The following NMBR variants were observed in gnomAD, a reference collection of about 807,000 sequenced individuals.
NMBR encodes neuromedin-B receptor.
Under a neutral mutation model 20.5 loss-of-function variants are expected in NMBR, and 16 were observed. The observed-to-expected ratio is 0.78, with a 90% confidence interval of 0.53 to 1.19. The LOEUF is 1.19. Among genes scored for constraint, NMBR ranks in the 50% most tolerant of loss-of-function variants. The pLI is 0.00. For synonymous variants in NMBR, 212 were observed against 196.6 expected (o/e 1.08, Z -0.65); for missense variants, 582 against 499.1 (o/e 1.17, Z -1.58).
intron 1 of NMBR, among the ~76,000 whole-genome samples, chr6:142,133,379 T>C (rs1036861029): frequency 8.5e-5 from 13 of 152,162 alleles, no homozygotes; most frequent in East Asian, 1.9e-4. Context: ...GAAGTGTCTT[T>C]AGATGTTGGT....
intron 1 of NMBR, among the ~76,000 whole-genome samples, chr6:142,106,156 A>G (rs779646235): frequency 6.6e-6 from 1 of 152,132 alleles, no homozygotes; most frequent in Non-Finnish European, 1.5e-5. Context: ...CTGAGTCCTG[A>G]ATTTACATGC....
In NMBR at chr6:142,079,111, A is replaced by AAAG. The variant is rs1777034959; in HGVS notation, c.423-211_423-209dup. 1.3e-4 allele frequency among the ~76,000 whole-genome samples: 10 copies of AAAG among 79,662 alleles called. No individual in the cohort carries two copies. The South Asian group carries it at 3.6e-3, about 29-fold the overall frequency. 52.3% of individuals were successfully genotyped at this position (79,662 alleles called of 152,430 possible). On this transcript the variant is annotated intron_variant, in intron 2 of 3. Coordinates refer to ENST00000258042, the MANE Select transcript of NMBR (RefSeq NM_002511.4). ...AAGAGAGAAAGAGAGAGAGAGAAAGAAAGAAAGAAAGAAAGAAGAAAGAAA... is the reference window on the plus strand; with the variant it reads ...AAGAGAGAAAGAGAGAGAGAGAAAGAAAGAAGAAAGAAAGAAAGAAGAAAGAAA...
chr6:142,120,692 C>A (rs771420170), intron 1 of NMBR, among the ~76,000 whole-genome samples: 4 of 151,890 alleles, frequency 2.6e-5, no homozygotes, highest in Admixed American at 2.0e-4. Context: ...TGGTTGTCAG[C>A]CTAAATTTGC....
chr6:142,075,570 A>G lies in NMBR; in HGVS notation c.*78T>C. ...AATTGCCTAATAAATTAGCTAAGCA[A>G]CAGCAAGTTCTGATCTGCCGAATAG... On this transcript the variant is annotated 3_prime_UTR_variant, in exon 4 of 4. Coordinates refer to ENST00000258042, the MANE Select transcript of NMBR (RefSeq NM_002511.4). 1 of 1,380,322 alleles carries G rather than the reference A, an allele frequency of 7.2e-7. No homozygotes were observed. Among genetic ancestry groups the G allele is most frequent in the Non-Finnish European group, 9.8e-7 (1 of 1,022,648 alleles). 85.5% of individuals were successfully genotyped at this position (1,380,322 alleles called of 1,614,324 possible).
intron 2 of NMBR, 39 bp downstream of exon 2, chr6:142,088,198 C>A: frequency 6.3e-7 from 1 of 1,588,712 alleles, no homozygotes; most frequent in Non-Finnish European, 8.5e-7. Context: ...CCCCTCTCCA[C>A]GACTTTTCCA....
At chr6:142,122,312 T>C (rs1777957714) in intron 1 of NMBR, among the ~76,000 whole-genome samples, 1 of 151,900 alleles carries the variant, frequency 6.6e-6, no homozygotes, top group African/African-American at 2.4e-5. Flanking sequence ...AAAGAAAAGT[T>C]TGAGGCTAGC....
At chr6:142,135,148 T>G in intron 1 of NMBR, 1 of 241,036 alleles carries the variant, frequency 4.1e-6, no homozygotes, top group Non-Finnish European at 7.9e-6. Context: ...GTTAATTTAT[T>G]TTTAAACAGT....
intron 1 of NMBR, among the ~76,000 whole-genome samples, chr6:142,140,203 A>T (rs1251001396): frequency 6.6e-6 from 1 of 152,122 alleles, no homozygotes; most frequent in Non-Finnish European, 1.5e-5. Context: ...CATTTTAGAA[A>T]ACAAACAAAA....
intron 1 of NMBR, among the ~76,000 whole-genome samples, chr6:142,114,709 G>A (rs551456619): frequency 6.6e-6 from 1 of 152,128 alleles, no homozygotes; most frequent in African/African-American, 2.4e-5. Flanking sequence ...AAACTTTAAG[G>A]AGAAAAACAA....
At chr6:142,127,180 T>A (rs531184909) in intron 1 of NMBR, among the ~76,000 whole-genome samples, 48 of 152,008 alleles carry the variant, frequency 3.2e-4, no homozygotes, top group African/African-American at 1.1e-3. Flanking sequence ...GGGGGTGAAA[T>A]AAAGGTCCAA....
chr6:142,092,174 T>C (rs1777337958), intron 1 of NMBR, among the ~76,000 whole-genome samples: 1 of 151,846 alleles, frequency 6.6e-6, no homozygotes, highest in African/African-American at 2.4e-5. Flanking sequence ...AGAAAGGAGA[T>C]ACTAATACAA....
chr6:142,084,652 T>G (rs1479319222), intron 2 of NMBR, among the ~76,000 whole-genome samples: 1 of 152,222 alleles, frequency 6.6e-6, no homozygotes, highest in African/African-American at 2.4e-5. Context: ...TGAGAATTTT[T>G]CCTATGAAGG....
intron 1 of NMBR, among the ~76,000 whole-genome samples, chr6:142,146,522 A>G (rs1276637348): frequency 6.6e-6 from 1 of 152,224 alleles, no homozygotes; most frequent in East Asian, 1.9e-4. Context: ...AAGAGTTACC[A>G]GCGTTGAAAA....
At chr6:142,089,924 T>C (rs940989991) in intron 1 of NMBR, among the ~76,000 whole-genome samples, 2 of 152,244 alleles carry the variant, frequency 1.3e-5, no homozygotes, top group Non-Finnish European at 2.9e-5. Context: ...TATGTTCAGC[T>C]TTACTGGAAA....
chr6:142,133,190 A>G, intron 1 of NMBR: 1 of 685,698 alleles, frequency 1.5e-6, no homozygotes, highest in Non-Finnish European at 2.7e-6. Context: ...AACTTCTATG[A>G]AGGATGTGTA....
intron 1 of NMBR, among the ~76,000 whole-genome samples, chr6:142,125,011 C>T (rs1778005850): frequency 6.6e-6 from 1 of 151,782 alleles, no homozygotes; most frequent in South Asian, 2.1e-4. Context: ...CAGTTCCACT[C>T]CAGAAAATAT....
chr6:142,093,051 T>G (rs1441065412), intron 1 of NMBR, among the ~76,000 whole-genome samples: 1 of 152,112 alleles, frequency 6.6e-6, no homozygotes, highest in Non-Finnish European at 1.5e-5. Flanking sequence ...GACCAAAGGC[T>G]TCTCTGGTCT....
intron 1 of NMBR, among the ~76,000 whole-genome samples, chr6:142,116,742 C>T (rs373586432): frequency 2.5e-4 from 38 of 151,876 alleles, no homozygotes; most frequent in Non-Finnish European, 5.3e-4. Flanking sequence ...TTCATGTTTC[C>T]GTTAAAATTT....
intron 1 of NMBR, among the ~76,000 whole-genome samples, chr6:142,129,762 C>A (rs759093824): frequency 6.6e-6 from 1 of 152,030 alleles, no homozygotes; most frequent in Non-Finnish European, 1.5e-5. Context: ...ACAAGGAGAC[C>A]ATAGTTGGTC....
Sources: allele counts gnomAD v4.1 joint callset (sites outside exome capture counted in the v4.1 genomes callset), GRCh38; gene constraint gnomAD v4.1.1; transcripts MANE v1.5; gene names NCBI Gene and HGNC (gene_info 2026-07-23, HGNC 2026-07-21).